The following PTCD1 variants were observed in gnomAD, a reference collection of about 807,000 sequenced individuals.
PTCD1 encodes pentatricopeptide repeat domain 1.
In PTCD1, 50 loss-of-function variants were observed where a neutral mutation model predicts 53.4. The observed-to-expected ratio is 0.94, with a 90% CI of 0.75 to 1.19. The LOEUF (loss-of-function observed/expected upper bound fraction) is 1.19, where lower values mean the gene tolerates loss of function less well. PTCD1 is among the 50% of genes most tolerant of loss of function. The pLI is 0.00. For missense variants in PTCD1, 918 were observed against 904.8 expected (o/e 1.01, Z -0.19); for synonymous variants, 413 against 394.8 (o/e 1.05, Z -0.55).
chr7:99,424,864 C>T lies in PTCD1; in HGVS notation c.1668G>A (p.Gln556=). ...LAKRGLVPNL[Q]TFCNLAIGCH... is the part of the protein sequence containing the mutation. ...ACCCGATGGCCAGGTTGCAGAATGT[C>T]TGCAGGTTGGGGACGAGGCCCCTCT... is the stretch of plus-strand genomic sequence containing the variant. The change falls in exon 6 of 8, where the codon CAG becomes CAA. Residue 556 remains glutamine (Q), a synonymous_variant. Transcript: ENST00000292478. The T allele has an allele frequency of 1.1e-5, 18 of 1,614,266 alleles. No homozygotes were observed. The highest frequency in any genetic ancestry group is 1.5e-5 in the Non-Finnish European group (18 of 1,180,044).
intron 7 of PTCD1, 94 bp downstream of exon 7, chr7:99,423,681 C>CA: frequency 6.3e-7 from 1 of 1,599,460 alleles, no homozygotes; most frequent in Non-Finnish European, 8.5e-7. Context: ...AGCATGGCAA[C>CA]ACAATCCCAA....
In PTCD1 at chr7:99,419,500, C is replaced by T. The variant is rs75129535; in HGVS notation, c.*467G>A. 2 of 1,594,654 alleles carry T rather than the reference C, an allele frequency of 1.3e-6. No individual in the cohort carries two copies. Among genetic ancestry groups the T allele is most frequent in the Non-Finnish European group, 1.7e-6 (2 of 1,169,836 alleles). ...GCAGGTTCCTGCCTGTCACGCCACCCCCTTCCTGGGAGCAGCGAGCAGTGC... is the reference window on the plus strand; with the variant it reads ...GCAGGTTCCTGCCTGTCACGCCACCTCCTTCCTGGGAGCAGCGAGCAGTGC... On this transcript the variant is annotated 3_prime_UTR_variant, in exon 8 of 8. Coordinates refer to ENST00000292478, the MANE Select transcript of PTCD1 (RefSeq NM_015545.4).
In PTCD1 at chr7:99,434,829, C is replaced by G. The variant is rs775936173; in HGVS notation, c.414G>C (p.Trp138Cys). ...TCAGGTGTTTGCACTGCAAGAAGTA[C>G]CAGTACGGGGTGTTTCTCCGGCCTC... ...LWRGRRNTPY[W>C]YFLQCKHLIK... is the part of the protein sequence containing the mutation. The change falls in exon 2 of 8, where the codon TGG becomes TGC. Residue 138 changes from tryptophan to cysteine, a missense_variant. Trp to Cys is a radical substitution (Grantham distance 215). Transcript: ENST00000292478. 6.2e-7 allele frequency: 1 copy of G among 1,614,164 alleles called. No homozygotes were observed. Among genetic ancestry groups the G allele is most frequent in the Admixed American group, 1.7e-5 (1 of 60,014 alleles).
At position 99,418,700 on chromosome 7, in the gene PTCD1, G is replaced by T. The variant is rs1004388; in HGVS notation, c.*1267C>A. 2,060 of 152,566 alleles carry T rather than the reference G, an allele frequency of 0.014. 22 individuals are homozygous for T. Among genetic ancestry groups the T allele is most frequent in the Non-Finnish European group, 0.019 (1,311 of 68,238 alleles). The allele number at this position is 152,566 out of a possible 1,614,324, so 9.5% of individuals were successfully genotyped here. On this transcript the variant is annotated 3_prime_UTR_variant, in exon 8 of 8. Coordinates refer to ENST00000292478, the MANE Select transcript of PTCD1 (RefSeq NM_015545.4). ...GAAGCCCCCTTCCTCTGAGTGCCCA[G>T]ATTCCACAAGGAGTCCAGGTCAGGG...
intron 3 of PTCD1, among the ~76,000 whole-genome samples, chr7:99,430,075 C>T (rs1796200524): frequency 6.6e-6 from 1 of 152,194 alleles, no homozygotes; most frequent in Non-Finnish European, 1.5e-5. Context: ...GGCCTGGGGT[C>T]CTGGCAGCAA....
rs1420934843 is a variant in PTCD1, at chr7:99,429,876, A to G, written c.595-70T>C. The G allele has an allele frequency of 5.4e-5, 85 of 1,585,122 alleles. No homozygotes were observed. In the East Asian group the frequency reaches 1.7e-3, roughly 32 times the overall value. ...ACGCACAGGTGAGCAGCTGCCCCAG[A>G]GGAGGCTGAGGCTGGAGAGGACCCC... On this transcript the variant is annotated intron_variant, in intron 3 of 7. Transcript: ENST00000292478.
At chr7:99,429,905 A>G (rs1796196108) in intron 3 of PTCD1, 99 bp from the exon 4 acceptor site, 2 of 1,437,164 alleles carry the variant, frequency 1.4e-6, no homozygotes, top group East Asian at 2.4e-5. Flanking sequence ...GGACCCCGTC[A>G]CTGCATCCAC....
rs1796183046 is a variant in PTCD1, at chr7:99,429,619, G to A, written c.782C>T (p.Ala261Val). Reference sequence around the variant, plus strand: ...CACATCGAGGCACATCCTAAGGTCTGCGCACTTGGCAGCCATCTTCAGCAG... The same window carrying A: ...CACATCGAGGCACATCCTAAGGTCTACGCACTTGGCAGCCATCTTCAGCAG... ...HALLKMAAKC[A>V]DLRMCLDVFK... The change falls in exon 4 of 8, where the codon GCA becomes GTA. Residue 261 changes from alanine (A) to valine (V), a missense_variant. Coordinates refer to ENST00000292478, the MANE Select transcript of PTCD1 (RefSeq NM_015545.4). 9 of 1,614,248 alleles carry A rather than the reference G, an allele frequency of 5.6e-6. No individual in the cohort carries two copies. The East Asian group carries it at 2.0e-4, about 36-fold the overall frequency.
intron 7 of PTCD1, 130 bp from the exon 8 acceptor site, chr7:99,420,279 G>A: frequency 3.7e-6 from 5 of 1,341,922 alleles, no homozygotes; most frequent in South Asian, 1.2e-5. Flanking sequence ...CAGAGGACAG[G>A]GCAGAAAAGC....
intron 1 of PTCD1, among the ~76,000 whole-genome samples, chr7:99,436,917 A>G (rs770959528): frequency 6.6e-6 from 1 of 152,232 alleles, no homozygotes; most frequent in East Asian, 1.9e-4. Flanking sequence ...GCGATGGCAC[A>G]GTGGAGTGCA....
intron 1 of PTCD1, among the ~76,000 whole-genome samples, chr7:99,437,470 A>G (rs1796527167): frequency 6.6e-6 from 1 of 151,882 alleles, no homozygotes; most frequent in African/African-American, 2.4e-5. Context: ...AAGCCCAGCT[A>G]ATTTTTGTAT....
chr7:99,417,013 C>CT lies in PTCD1; in HGVS notation c.*2953dup, dbSNP rs547215198. The CT allele has an allele frequency of 0.011, 1,711 of 158,776 alleles. 19 individuals are homozygous for CT. The highest frequency in any genetic ancestry group is 0.034 in the African/African-American group (1,368 of 40,006). 9.8% of individuals were successfully genotyped at this position (158,776 alleles called of 1,614,324 possible). ...TGAGGCACCTTGCCTGGCCTAAGTA[C>CT]TTTTTTTTTTTGTTCCTCCTCCAAG... On this transcript the variant is annotated 3_prime_UTR_variant, in exon 8 of 8. Transcript: ENST00000292478.
At position 99,438,266 on chromosome 7, in the gene PTCD1, GC is replaced by G. The variant is rs962921988; in HGVS notation, c.-27+425del. Among the ~76,000 whole-genome samples, 7 of 38,214 alleles carry G rather than the reference GC, an allele frequency of 1.8e-4. 2 individuals carry two copies. The South Asian group carries it at 5.1e-3, about 28-fold the overall frequency. The allele number at this position is 38,214 out of a possible 152,430, so 25.1% of individuals were successfully genotyped here. A position where few individuals can be genotyped will look rare whatever the true frequency, so the allele number is the denominator to read the frequency against. On this transcript the variant is annotated intron_variant, in intron 1 of 7. Transcript: ENST00000292478. ...GGCAACATAGCAAGACCCGCCACCC[GC>G]CCCCCCAACCCCGCCGTCTCTACAA...
intron 5 of PTCD1, among the ~76,000 whole-genome samples, chr7:99,427,597 G>A (rs1335012936): frequency 6.6e-6 from 1 of 152,212 alleles, no homozygotes; most frequent in African/African-American, 2.4e-5. Context: ...ACCCCGTCTG[G>A]GAGGTGTGCC....
At chr7:99,434,649 C>T (rs1164657441) in intron 2 of PTCD1, 141 bp downstream of exon 2, 9 of 1,044,574 alleles carry the variant, frequency 8.6e-6, no homozygotes, top group Admixed American at 3.9e-5. Flanking sequence ...CAAAGGGTTG[C>T]GATACTTACA....
In PTCD1 at chr7:99,432,738, G is replaced by A. The variant is rs368950698; in HGVS notation, c.594+540C>T. Among the ~76,000 whole-genome samples the A allele has an allele frequency of 6.2e-4, 95 of 152,274 alleles. 1 individual carries two copies. Among genetic ancestry groups the A allele is most frequent in the Middle Eastern group, 6.8e-3 (2 of 294 alleles). On this transcript the variant is annotated intron_variant, in intron 3 of 7. Coordinates refer to ENST00000292478, the MANE Select transcript of PTCD1 (RefSeq NM_015545.4). The stretch of plus-strand genomic sequence containing the variant: ...TCTCTCGTCCCACCTGACGAGAAAC[G>A]CCCACAGGTGTGGAGGGGCTGGCCC...
At position 99,419,621 on chromosome 7, in the gene PTCD1, CA is replaced by C. The variant is rs1331470164; in HGVS notation, c.*345del. The stretch of plus-strand genomic sequence containing the variant: ...TAAAATCTTTAAATCTCTCGAGCCC[CA>C]CGTCTCTTCTTTCAGAGCATCGGCC... On this transcript the variant is annotated 3_prime_UTR_variant, in exon 8 of 8. Transcript: ENST00000292478. The C allele has an allele frequency of 7.3e-6, 6 of 817,738 alleles. No homozygotes were observed. Among genetic ancestry groups the C allele is most frequent in the Non-Finnish European group, 1.1e-5 (6 of 530,798 alleles). The allele number at this position is 817,738 out of a possible 1,614,324, so 50.7% of individuals were successfully genotyped here. A position where few individuals can be genotyped will look rare whatever the true frequency, so the allele number is the denominator to read the frequency against.
chr7:99,435,753 G>T (rs1476626634), intron 1 of PTCD1, among the ~76,000 whole-genome samples: 2 of 151,718 alleles, frequency 1.3e-5, no homozygotes, highest in Admixed American at 6.6e-5. Flanking sequence ...GACCAGCCTG[G>T]CGACACCCCA....
intron 5 of PTCD1, among the ~76,000 whole-genome samples, chr7:99,427,480 G>C (rs1189151040): frequency 7.4e-6 from 1 of 135,188 alleles, no homozygotes; most frequent in Non-Finnish European, 1.6e-5. Context: ...GGAGGGAGGT[G>C]GGGGGGGTCA....
Sources: gnomAD v4.1 joint callset for allele counts (sites outside exome capture counted in the v4.1 genomes callset) on GRCh38, gnomAD v4.1.1 for gene constraint, MANE v1.5 for transcripts, NCBI Gene and HGNC (gene_info 2026-07-23, HGNC 2026-07-21) for gene names.